Variants in CSE1L observed in about 807,000 individuals in gnomAD.
CSE1L encodes chromosome segregation 1 like.
A neutral mutation model predicts 120.4 loss-of-function variants in CSE1L; 24 were observed. The ratio of observed to expected loss-of-function variants is 0.20; its 90% CI spans 0.14 to 0.28. The LOEUF (loss-of-function observed/expected upper bound fraction) is 0.28, where lower values mean the gene tolerates loss of function less well. Among genes scored for constraint, CSE1L ranks in the 10% least tolerant of loss-of-function variants. The pLI, the probability that CSE1L is intolerant of heterozygous loss-of-function variation, is 1.00. For missense variants in CSE1L, 830 were observed against 1,145.2 expected (o/e 0.72, Z 3.97); for synonymous variants, 402 against 398.3 (o/e 1.01, Z -0.11).
At chr20:49,071,967 C>A (rs78699558) in intron 8 of CSE1L, among the ~76,000 whole-genome samples, 585 of 109,070 alleles carry the variant, frequency 5.4e-3, no homozygotes, top group Admixed American at 7.7e-3. Context: ...GACTGCGTCT[C>A]AAAAAAAAAA....
chr20:49,067,018 C>T (rs558870950), intron 5 of CSE1L, among the ~76,000 whole-genome samples, 172 bp from the exon 6 acceptor site: 17 of 114,114 alleles, frequency 1.5e-4, no homozygotes, highest in Middle Eastern at 8.1e-3. Context: ...GGCGACAGAG[C>T]GAGACTCCGT....
At chr20:49,061,167 A>ATTTTTTTT (rs3092068) in intron 2 of CSE1L, among the ~76,000 whole-genome samples, 1 of 116,302 alleles carries the variant, frequency 8.6e-6, no homozygotes, top group Non-Finnish European at 1.7e-5. Flanking sequence ...ACTATTAAAA[A>ATTTTTTTT]TTTTTTTTTT....
intron 1 of CSE1L, among the ~76,000 whole-genome samples, chr20:49,052,613 TTGGTGGTGG>T (rs1225899101): frequency 5.9e-5 from 9 of 151,796 alleles, no homozygotes; most frequent in African/African-American, 9.7e-5. Flanking sequence ...GGTAAGGGAT[TTGGTGGTGG>T]TGGTGGTGGT....
At chr20:49,081,803 A>G (rs1456230106) in intron 14 of CSE1L, among the ~76,000 whole-genome samples, 1 of 152,226 alleles carries the variant, frequency 6.6e-6, no homozygotes, top group African/African-American at 2.4e-5. Context: ...GTCTTTGCCC[A>G]GTAACAATGG....
intron 2 of CSE1L, among the ~76,000 whole-genome samples, chr20:49,059,901 C>T (rs2091838644): frequency 6.6e-6 from 1 of 151,096 alleles, no homozygotes; most frequent in South Asian, 2.1e-4. Context: ...TATTTTGAAA[C>T]ACAGCCAGGG....
chr20:49,072,561 G>A lies in CSE1L; in HGVS notation c.937-7G>A. 1 of 1,606,954 alleles carries A rather than the reference G, an allele frequency of 6.2e-7. No individual in the cohort carries two copies. Among genetic ancestry groups the A allele is most frequent in the East Asian group, 2.2e-5 (1 of 44,796 alleles). On this transcript the variant is annotated splice_polypyrimidine_tract_variant and splice_region_variant and intron_variant, in intron 9 of 24. Transcript: ENST00000262982. ...AAAAATATTCTTGTTTTTGTGTTTT[G>A]TTCCAGTTGGTAAGTAATGCAATTC...
At chr20:49,063,495 G>A (rs2091868192) in intron 3 of CSE1L, 151 bp downstream of exon 3, 1 of 418,980 alleles carries the variant, frequency 2.4e-6, no homozygotes, top group Non-Finnish European at 4.2e-6. Flanking sequence ...GTTCAAGGCT[G>A]CAGTGAGCTA....
chr20:49,086,359 C>CTTTTTTTT (rs10648977), intron 16 of CSE1L, among the ~76,000 whole-genome samples: 74 of 77,626 alleles, frequency 9.5e-4, no homozygotes, highest in Non-Finnish European at 1.1e-3. Context: ...GTTTAATGTC[C>CTTTTTTTT]TTTTTTTTTT....
intron 3 of CSE1L, among the ~76,000 whole-genome samples, chr20:49,065,345 G>A (rs6063349): frequency 4.4e-5 from 4 of 91,540 alleles, no homozygotes; most frequent in East Asian, 6.6e-4. Flanking sequence ...TTTTTTGAGA[G>A]GGAGTCTTGC....
chr20:49,067,031 CAAAAAAAAAAAAAAA>C (rs60161542), intron 5 of CSE1L, among the ~76,000 whole-genome samples, 144 bp from the exon 6 acceptor site: 1 of 100,818 alleles, frequency 9.9e-6, no homozygotes, highest in South Asian at 3.2e-4. Context: ...GACTCCGTCT[CAAAAAAAAAAAAAAA>C]AAAAAAAAAA....
chr20:49,065,311 AAATTTTT>A (rs1568769009), intron 3 of CSE1L, among the ~76,000 whole-genome samples: 5 of 66,972 alleles, frequency 7.5e-5, no homozygotes, highest in Admixed American at 4.1e-4. Context: ...AATGAAAAAA[AAATTTTT>A]TTTTTTTTTT....
intron 14 of CSE1L, among the ~76,000 whole-genome samples, chr20:49,079,385 C>G (rs2091993097): frequency 6.6e-6 from 1 of 151,692 alleles, no homozygotes. Context: ...TGCCACCACG[C>G]CTGGCTGATT....
Position 49,060,816 on chromosome 20 carries a change from T to G in CSE1L, c.85+2268T>G, listed in dbSNP as rs375628114. On this transcript the variant is annotated intron_variant, in intron 2 of 24. Coordinates refer to ENST00000262982, the MANE Select transcript of CSE1L (RefSeq NM_001316.4). The stretch of plus-strand genomic sequence containing the variant: ...TGAAATACAGTGCAAGCCAAACTAC[T>G]TCTGGGCCAGATATATCTTGTGAGC... Among the ~76,000 whole-genome samples the G allele has an allele frequency of 9.9e-5, 15 of 152,186 alleles. No individual in the cohort carries two copies. In the East Asian group the frequency reaches 1.2e-3, roughly 12 times the overall value.
chr20:49,090,579 A>G lies in CSE1L; in HGVS notation c.2182-163A>G, dbSNP rs538160731. Among the ~76,000 whole-genome samples, 108 of 152,304 alleles carry G rather than the reference A, an allele frequency of 7.1e-4. 1 individual carries two copies. In the South Asian group the frequency reaches 0.021, roughly 30 times the overall value. On this transcript the variant is annotated intron_variant, in intron 19 of 24. Coordinates refer to ENST00000262982, the MANE Select transcript of CSE1L (RefSeq NM_001316.4). ...CTCAAAGAAAAAAAAAATTACTTTAATGGCTACGCGGGAGGAATTGTTCCC... is the reference window on the plus strand; with the variant it reads ...CTCAAAGAAAAAAAAAATTACTTTAGTGGCTACGCGGGAGGAATTGTTCCC...
chr20:49,095,141 T>C (rs1221909709), intron 24 of CSE1L, 178 bp downstream of exon 24: 1 of 686,766 alleles, frequency 1.5e-6, no homozygotes. Context: ...TCTTGTATTA[T>C]GTACTACAAA....
At chr20:49,046,628 C>G (rs1157146801) in intron 1 of CSE1L, among the ~76,000 whole-genome samples, 1 of 152,228 alleles carries the variant, frequency 6.6e-6, no homozygotes, top group African/African-American at 2.4e-5. Flanking sequence ...CTCGCGGCAT[C>G]CTAGGTCTCT....
chr20:49,061,618 T>A (rs936385440), intron 2 of CSE1L, among the ~76,000 whole-genome samples: 6 of 151,682 alleles, frequency 4.0e-5, no homozygotes, highest in Non-Finnish European at 5.9e-5. Flanking sequence ...TTGTTGTGCC[T>A]CAGCCTCCCG....
chr20:49,084,774 C>G (rs1407850156), intron 15 of CSE1L, among the ~76,000 whole-genome samples: 2 of 152,062 alleles, frequency 1.3e-5, no homozygotes, highest in African/African-American at 4.8e-5. Flanking sequence ...TTGAAATGAG[C>G]TTTGGGTAAG....
At chr20:49,082,109 A>G (rs920454786) in intron 14 of CSE1L, among the ~76,000 whole-genome samples, 2 of 151,296 alleles carry the variant, frequency 1.3e-5, no homozygotes, top group African/African-American at 2.4e-5. Context: ...TTTTTTTTAG[A>G]TGGAGTCTTG....
Sources: allele counts gnomAD v4.1 joint callset (sites outside exome capture counted in the v4.1 genomes callset), GRCh38; gene constraint gnomAD v4.1.1; transcripts MANE v1.5; gene names NCBI Gene and HGNC (gene_info 2026-07-23, HGNC 2026-07-21).